AKAP19: variants seen among roughly 807,000 people sequenced by gnomAD.
The protein encoded by AKAP19 is small A-kinase anchoring protein.
the AKAP19 span, chr2:189,923,869 T>A: frequency 1.9e-6 from 3 of 1,611,070 alleles, no homozygotes; most frequent in East Asian, 6.7e-5. Context: ...TGAAAGGAGA[T>A]GACCTTCAGG....
At chr2:190,172,859 T>A in the AKAP19 span, among the ~76,000 whole-genome samples, 1 of 152,180 alleles carries the variant, frequency 6.6e-6, no homozygotes, top group African/African-American at 2.4e-5. Flanking sequence ...ACGCCTGGAA[T>A]CCCAGCACTT....
At chr2:190,176,148 T>A in the AKAP19 span, among the ~76,000 whole-genome samples, 18 of 152,254 alleles carry the variant, frequency 1.2e-4, no homozygotes, top group Non-Finnish European at 2.4e-4. This position sits in a 1 kb window ranked among gnomAD's most constrained non-coding sequence, Gnocchi z 4.7. Flanking sequence ...ACTCTGCTGG[T>A]AGGTTTACAT....
chr2:190,112,626 C>A, the AKAP19 span, among the ~76,000 whole-genome samples: 1 of 151,894 alleles, frequency 6.6e-6, no homozygotes, highest in African/African-American at 2.4e-5. Flanking sequence ...TTATCAAATT[C>A]TTCTTCTACA....
At chr2:190,039,016 C>T in the AKAP19 span, among the ~76,000 whole-genome samples, 6 of 120,498 alleles carry the variant, frequency 5.0e-5, no homozygotes, top group African/African-American at 7.3e-5. Flanking sequence ...CTTCCTCTTC[C>T]TCTTCCTCTT....
At chr2:190,061,739 TACTG>T in the AKAP19 span, among the ~76,000 whole-genome samples, 1 of 152,022 alleles carries the variant, frequency 6.6e-6, no homozygotes, top group Non-Finnish European at 1.5e-5. Flanking sequence ...ACAAAAAAAT[TACTG>T]AGAGAGTTTC....
the AKAP19 span, among the ~76,000 whole-genome samples, chr2:190,133,863 T>C: frequency 1.3e-5 from 2 of 152,126 alleles, no homozygotes; most frequent in East Asian, 3.8e-4. Context: ...TGAGGAAATG[T>C]TGGTCAAGGA....
chr2:190,139,563 C>A, the AKAP19 span, among the ~76,000 whole-genome samples: 13 of 152,160 alleles, frequency 8.5e-5, no homozygotes, highest in Non-Finnish European at 1.9e-4. Flanking sequence ...GAAGGGGAAG[C>A]AAACACATTG....
chr2:190,153,436 A>C, the AKAP19 span, among the ~76,000 whole-genome samples: 1 of 152,166 alleles, frequency 6.6e-6, no homozygotes, highest in East Asian at 1.9e-4. Context: ...AGACAATGTT[A>C]ACTAGTAGTG....
chr2:190,057,246 T>C, the AKAP19 span: 1 of 1,612,920 alleles, frequency 6.2e-7, no homozygotes, highest in Non-Finnish European at 8.5e-7. Flanking sequence ...TTATGAACGC[T>C]TAATATAAAT....
the AKAP19 span, among the ~76,000 whole-genome samples, chr2:190,069,133 C>CAT: frequency 1.1e-4 from 10 of 95,032 alleles, no homozygotes; most frequent in African/African-American, 4.2e-4. Flanking sequence ...TGTGTGCATG[C>CAT]ATATGTGTGT....
the AKAP19 span, among the ~76,000 whole-genome samples, chr2:190,177,852 T>C: frequency 1.3e-5 from 2 of 152,226 alleles, no homozygotes; most frequent in African/African-American, 4.8e-5. The surrounding 1 kb of genome is among the most constrained non-coding windows in gnomAD (Gnocchi z 4.6). Flanking sequence ...GTCAACAGCA[T>C]GGACCCTAGG....
chr2:189,991,385 C>A, the AKAP19 span, among the ~76,000 whole-genome samples: 4 of 152,272 alleles, frequency 2.6e-5, no homozygotes, highest in Admixed American at 6.5e-5. Flanking sequence ...AAATTATAGT[C>A]ATTCTTGCAA....
At chr2:189,924,091 C>G in the AKAP19 span, 1 of 1,573,060 alleles carries the variant, frequency 6.4e-7, no homozygotes, top group South Asian at 1.1e-5. Flanking sequence ...AGGAGGGGGA[C>G]CTACTGGATG....
chr2:189,899,782 T>A, the AKAP19 span, among the ~76,000 whole-genome samples: 1 of 98,740 alleles, frequency 1.0e-5, no homozygotes, highest in African/African-American at 3.6e-5. Flanking sequence ...TCTGTTATTA[T>A]AAAAGTATTA....
At chr2:189,963,587 G>A in the AKAP19 span, among the ~76,000 whole-genome samples, 3 of 152,126 alleles carry the variant, frequency 2.0e-5, no homozygotes, top group Admixed American at 6.5e-5. Context: ...ACATCTCAAA[G>A]TCAGCCATGA....
the AKAP19 span, among the ~76,000 whole-genome samples, chr2:189,952,604 A>G: frequency 3.4e-3 from 518 of 152,342 alleles, 6 homozygotes; most frequent in South Asian, 0.011. Flanking sequence ...AAAGTTAACA[A>G]TGGGGAGTAA....
At chr2:190,059,384 C>T in the AKAP19 span, among the ~76,000 whole-genome samples, 2 of 151,822 alleles carry the variant, frequency 1.3e-5, no homozygotes, top group Non-Finnish European at 2.9e-5. Flanking sequence ...TAAATTTTTG[C>T]ACAAGAATGC....
chr2:190,007,694 C>T, the AKAP19 span, among the ~76,000 whole-genome samples: 1 of 152,190 alleles, frequency 6.6e-6, no homozygotes, highest in Non-Finnish European at 1.5e-5. Context: ...GGCGCGGTGG[C>T]TTACGCCTGT....
At chr2:190,043,308 C>T in the AKAP19 span, among the ~76,000 whole-genome samples, 1 of 152,142 alleles carries the variant, frequency 6.6e-6, no homozygotes, top group Non-Finnish European at 1.5e-5. Context: ...TTTGCTTTCT[C>T]CCCCTCCCTT....
Sources: allele counts gnomAD v4.1 joint callset (sites outside exome capture counted in the v4.1 genomes callset), GRCh38; gene constraint gnomAD v4.1.1; non-coding constraint Gnocchi (gnomAD v3.1); transcripts MANE v1.5; gene names NCBI Gene and HGNC (gene_info 2026-07-23, HGNC 2026-07-21).